Variants in GASK1A observed in about 807,000 individuals in gnomAD.
GASK1A encodes Golgi-associated kinase 1A.
GASK1A carries 40 observed loss-of-function variants against 41.2 expected under a neutral mutation model. That is an observed-to-expected ratio of 0.97 (90% CI 0.75 to 1.27). GASK1A has a LOEUF of 1.27. GASK1A is among the 50% of genes most tolerant of loss of function. The pLI is 0.00. For synonymous variants in GASK1A, 316 were observed against 307.1 expected, an observed-to-expected ratio of 1.03 and a Z score of -0.30; for missense variants, 678 against 745.1, an observed-to-expected ratio of 0.91 and a Z score of 1.05.
chr3:43,022,393 C>G (rs1253911337), intron 1 of GASK1A, among the ~76,000 whole-genome samples: 9 of 151,804 alleles, frequency 5.9e-5, no homozygotes. Flanking sequence ...AACAGTCTGT[C>G]TTCTTGAAAC....
Position 43,025,051 on chromosome 3 carries a change from G to C in GASK1A, c.4-7216G>C, listed in dbSNP as rs143548045. On this transcript the variant is annotated intron_variant, in intron 1 of 4. Coordinates refer to ENST00000430121, the MANE Select transcript of GASK1A (RefSeq NM_001129908.3). ...AAGGTGTGGAGACAGAGTGGGTCTG[G>C]CACTGTCCAGAATTGAAAGAAGTTT... is the stretch of plus-strand genomic sequence containing the variant. Among the ~76,000 whole-genome samples the C allele has an allele frequency of 4.5e-3, 687 of 152,300 alleles. 3 individuals carry two copies. Among genetic ancestry groups the C allele is most frequent in the Middle Eastern group, 0.02 (6 of 294 alleles).
At position 43,056,449 on chromosome 3, in the gene GASK1A, C is replaced by T. The variant is rs1465244529; in HGVS notation, c.*63C>T. The stretch of plus-strand genomic sequence containing the variant: ...ATGGCCACATTTTCTTGGGCTCACT[C>T]ATCTTGAGGACAAATGGGAAAAGCC... On this transcript the variant is annotated 3_prime_UTR_variant, in exon 5 of 5. Transcript: ENST00000430121. 8 of 1,375,392 alleles carry T rather than the reference C, an allele frequency of 5.8e-6. No homozygotes were observed. Among genetic ancestry groups the T allele is most frequent in the South Asian group, 1.5e-5 (1 of 64,612 alleles). The allele number at this position is 1,375,392 out of a possible 1,614,324, so 85.2% of individuals were successfully genotyped here.
intron 1 of GASK1A, among the ~76,000 whole-genome samples, chr3:42,986,020 A>T (rs1350208273): frequency 1.3e-5 from 2 of 152,318 alleles, no homozygotes; most frequent in East Asian, 3.9e-4. Context: ...TCTACAAAAA[A>T]ACCTGATGCA....
chr3:42,993,941 A>C (rs2089355379), intron 1 of GASK1A, among the ~76,000 whole-genome samples: 1 of 152,170 alleles, frequency 6.6e-6, no homozygotes, highest in Admixed American at 6.5e-5. Flanking sequence ...TCATCCTTTC[A>C]ATGTTAAGAC....
intron 3 of GASK1A, among the ~76,000 whole-genome samples, chr3:43,054,868 C>T (rs1320837440): frequency 6.6e-6 from 1 of 152,190 alleles, no homozygotes; most frequent in Non-Finnish European, 1.5e-5. Context: ...CTCAGTGATG[C>T]TCAGGGGGAT....
intron 1 of GASK1A, among the ~76,000 whole-genome samples, chr3:43,015,335 G>GGGGCA: frequency 6.6e-6 from 1 of 150,860 alleles, no homozygotes. Context: ...GTCACAGGAA[G>GGGGCA]GGGCAGTGTG....
chr3:43,030,099 C>A (rs868839583), intron 1 of GASK1A, among the ~76,000 whole-genome samples: 1 of 152,178 alleles, frequency 6.6e-6, no homozygotes, highest in Non-Finnish European at 1.5e-5. Flanking sequence ...CGGGTTCAAG[C>A]GGTTCTCCTG....
chr3:43,056,094 C>T, intron 4 of GASK1A, 82 bp from the exon 5 acceptor site: 1 of 1,143,666 alleles, frequency 8.7e-7, no homozygotes, highest in Non-Finnish European at 1.2e-6. Context: ...CTCTGGCCAT[C>T]TGGCATCACC....
In GASK1A at chr3:43,053,591, G is replaced by C. The variant is rs2089701389; in HGVS notation, c.1361G>C (p.Arg454Thr). 1 of 1,551,708 alleles carries C rather than the reference G, an allele frequency of 6.4e-7. No homozygotes were observed. The highest frequency in any genetic ancestry group is 1.2e-5 in the South Asian group (1 of 84,062). The change falls in exon 3 of 5, where the codon AGG becomes ACG. Residue 454 changes from arginine to threonine, a missense_variant. Transcript: ENST00000430121. ...CCCTCAGACCCCTGTGTGGAAGAGA[G>C]GCTCCGAGAGAAATGCCAGAACCCA... is the stretch of plus-strand genomic sequence containing the variant. ...PEPSDPCVEE[R>T]LREKCQNPAE...
At chr3:43,022,693 A>G (rs2089528308) in intron 1 of GASK1A, among the ~76,000 whole-genome samples, 1 of 152,144 alleles carries the variant, frequency 6.6e-6, no homozygotes, top group African/African-American at 2.4e-5. Context: ...ATAGTAACTT[A>G]TATATGATGA....
At chr3:43,044,169 G>A (rs1006718060) in intron 2 of GASK1A, among the ~76,000 whole-genome samples, 2 of 152,222 alleles carry the variant, frequency 1.3e-5, no homozygotes, top group African/African-American at 4.8e-5. Context: ...CATGCAGCAG[G>A]TGTGAAGCAA....
At chr3:43,021,034 C>T (rs941323876) in intron 1 of GASK1A, among the ~76,000 whole-genome samples, 4 of 152,152 alleles carry the variant, frequency 2.6e-5, no homozygotes, top group Non-Finnish European at 5.9e-5. Context: ...TGGCTGAGAG[C>T]TGCACTTCCC....
chr3:43,001,522 GC>G (rs1376977700), intron 1 of GASK1A, among the ~76,000 whole-genome samples: 1 of 152,224 alleles, frequency 6.6e-6, no homozygotes, highest in Non-Finnish European at 1.5e-5. Context: ...AGAATGCAGA[GC>G]TTGCCTATTT....
At chr3:43,042,307 A>C (rs2089641901) in intron 2 of GASK1A, among the ~76,000 whole-genome samples, 1 of 5,602 alleles carries the variant, frequency 1.8e-4, no homozygotes, top group Admixed American at 4.3e-3. Context: ...TGTCCCTACA[A>C]AAAAAAAAAA....
chr3:43,040,443 T>C (rs559955849), intron 2 of GASK1A, among the ~76,000 whole-genome samples: 1 of 152,282 alleles, frequency 6.6e-6, no homozygotes, highest in East Asian at 1.9e-4. Context: ...TTTAGAATTT[T>C]CTTGATATTC....
Position 43,032,280 on chromosome 3 carries a change from G to A in GASK1A, c.17G>A (p.Arg6Gln), listed in dbSNP as rs368973802. MASWL[R>Q]RKLRGKRRPV... ...CCTGTCTCTCAGGCGTCTTGGCTCC[G>A]GAGAAAGCTGCGTGGCAAGAGGCGG... Residue 6 changes from arginine to glutamine, a missense_variant, in exon 2 of 5, where the codon CGG becomes CAG. Physicochemically the swap from Arg to Gln is conservative, Grantham distance 43 (BLOSUM62 1). Transcript: ENST00000430121. 95 of 1,523,564 alleles carry A rather than the reference G, an allele frequency of 6.2e-5. No homozygotes were observed. The highest frequency in any genetic ancestry group is 1.7e-4 in the Middle Eastern group (1 of 5,882). 94.4% of individuals were successfully genotyped at this position (1,523,564 alleles called of 1,614,324 possible).
intron 2 of GASK1A, among the ~76,000 whole-genome samples, chr3:43,048,263 C>T (rs963127856): frequency 2.0e-5 from 3 of 152,056 alleles, no homozygotes; most frequent in East Asian, 1.9e-4. Context: ...ATCAGGGAGG[C>T]GATGTTTCTG....
intron 1 of GASK1A, among the ~76,000 whole-genome samples, chr3:43,008,261 C>G (rs926070454): frequency 1.3e-5 from 2 of 152,232 alleles, no homozygotes; most frequent in South Asian, 2.1e-4. Context: ...GTACCTGGCA[C>G]AGGGTCTGGC....
chr3:43,024,343 G>C (rs532326038), intron 1 of GASK1A, among the ~76,000 whole-genome samples: 1 of 152,128 alleles, frequency 6.6e-6, no homozygotes, highest in Non-Finnish European at 1.5e-5. Flanking sequence ...CACAGTAAAG[G>C]CTTCAGCTGC....
Sources: allele counts gnomAD v4.1 joint callset (sites outside exome capture counted in the v4.1 genomes callset), GRCh38; gene constraint gnomAD v4.1.1; transcripts MANE v1.5; gene names NCBI Gene and HGNC (gene_info 2026-07-23, HGNC 2026-07-21).